NT5DC1: variants seen among roughly 807,000 people sequenced by gnomAD.
The protein encoded by NT5DC1 is 5'-nucleotidase domain-containing protein 1.
A neutral mutation model predicts 59.4 loss-of-function variants in NT5DC1; 42 were observed. The ratio of observed to expected loss-of-function variants is 0.71; its 90% CI spans 0.55 to 0.92. NT5DC1 has a LOEUF of 0.92. Ranked by LOEUF, NT5DC1 falls within the 40% of genes least tolerant of loss-of-function variation. The pLI, the probability that NT5DC1 is intolerant of heterozygous loss-of-function variation, is 0.00. For synonymous variants in NT5DC1, 172 were observed against 188.1 expected, an observed-to-expected ratio of 0.91 and a Z score of 0.70; for missense variants, 501 against 537.1, an observed-to-expected ratio of 0.93 and a Z score of 0.66.
intron 6 of NT5DC1, among the ~76,000 whole-genome samples, chr6:116,200,929 C>T (rs1313974614): frequency 1.3e-5 from 2 of 151,986 alleles, no homozygotes; most frequent in Non-Finnish European, 1.5e-5. Flanking sequence ...TACAACTTAC[C>T]AGTGCTTTTT....
chr6:116,109,680 A>T (rs2114902013), intron 3 of NT5DC1, among the ~76,000 whole-genome samples: 1 of 152,274 alleles, frequency 6.6e-6, no homozygotes, highest in African/African-American at 2.4e-5. Flanking sequence ...CCCATTCAGG[A>T]TTCTTTGATC....
In NT5DC1 at chr6:116,110,837, C is replaced by T. The variant is rs779375353; in HGVS notation, c.258-13C>T. ...ACCATTAATGAGCAATGTGCCTCCTCTCTCAAAATCAGGGCAAGCCATGGC... is the reference window on the plus strand; with the variant it reads ...ACCATTAATGAGCAATGTGCCTCCTTTCTCAAAATCAGGGCAAGCCATGGC... On this transcript the variant is annotated splice_polypyrimidine_tract_variant and intron_variant, in intron 3 of 11. Coordinates refer to ENST00000319550, the MANE Select transcript of NT5DC1 (RefSeq NM_152729.3). 1.3e-6 allele frequency: 2 copies of T among 1,591,792 alleles called. No homozygotes were observed. The highest frequency in any genetic ancestry group is 1.7e-5 in the Admixed American group (1 of 60,006).
Position 116,125,570 on chromosome 6 carries a change from GT to G in NT5DC1, c.529+7628del. 3.4e-6 allele frequency: 5 copies of G among 1,458,994 alleles called. No homozygotes were observed. The South Asian group carries it at 5.8e-5, about 17-fold the overall frequency. 90.4% of individuals were successfully genotyped at this position (1,458,994 alleles called of 1,614,324 possible). On this transcript the variant is annotated intron_variant, in intron 6 of 11. Transcript: ENST00000319550. Reference sequence around the variant, plus strand: ...TATTAACCTATTTTTTTATTCTCATGTTTCACAGATGAGTTCTTTATACAGT... The same window carrying G: ...TATTAACCTATTTTTTTATTCTCATGTTCACAGATGAGTTCTTTATACAGT...
rs914050986 is a variant in NT5DC1, at chr6:116,166,704, C to T, written c.529+48759C>T. 2.0e-5 allele frequency among the ~76,000 whole-genome samples: 3 copies of T among 152,158 alleles called. No individual in the cohort carries two copies. In the East Asian group the frequency reaches 5.8e-4, roughly 29 times the overall value. ...TTCAAAAGTTAATTCAGTTATTTATCTAAATCCATGAGAAATTTCTACTAA... is the reference window on the plus strand; with the variant it reads ...TTCAAAAGTTAATTCAGTTATTTATTTAAATCCATGAGAAATTTCTACTAA... On this transcript the variant is annotated intron_variant, in intron 6 of 11. Transcript: ENST00000319550.
At chr6:116,125,251 G>T in intron 6 of NT5DC1, 1 of 1,469,192 alleles carries the variant, frequency 6.8e-7, no homozygotes, top group Non-Finnish European at 9.3e-7. Context: ...TAACACCAAA[G>T]TTAAATGCAT....
chr6:116,142,174 T>C (rs1779784508), intron 6 of NT5DC1, among the ~76,000 whole-genome samples: 1 of 152,126 alleles, frequency 6.6e-6, no homozygotes, highest in African/African-American at 2.4e-5. Context: ...CTAATATTAG[T>C]ATAGTTCACA....
chr6:116,148,392 T>C (rs1218305393), intron 6 of NT5DC1, among the ~76,000 whole-genome samples: 1 of 152,216 alleles, frequency 6.6e-6, no homozygotes, highest in East Asian at 1.9e-4. Context: ...TTACCATACA[T>C]GCCATCCAAA....
chr6:116,215,960 A>T (rs987923694), intron 6 of NT5DC1, among the ~76,000 whole-genome samples: 1 of 152,186 alleles, frequency 6.6e-6, no homozygotes, highest in Non-Finnish European at 1.5e-5. Flanking sequence ...GTCTATACTC[A>T]TTTAAACTGT....
Position 116,215,127 on chromosome 6 carries a change from C to T in NT5DC1, c.530-5927C>T, listed in dbSNP as rs141190376. Among the ~76,000 whole-genome samples the T allele has an allele frequency of 7.9e-5, 12 of 152,178 alleles. No individual in the cohort carries two copies. The East Asian group carries it at 2.1e-3, about 27-fold the overall frequency. On this transcript the variant is annotated intron_variant, in intron 6 of 11. Transcript: ENST00000319550. ...TGCTTTCCTGGTTCTGAACATTGTA[C>T]TGATATTAATGTAGCTCTACAATCT...
intron 6 of NT5DC1, among the ~76,000 whole-genome samples, chr6:116,136,497 A>T (rs1348303030): frequency 6.6e-6 from 1 of 152,008 alleles, no homozygotes. Flanking sequence ...AATGAAGCTT[A>T]TTAAGTGGAA....
At chr6:116,222,769 G>C (rs899940141) in intron 7 of NT5DC1, among the ~76,000 whole-genome samples, 2 of 152,234 alleles carry the variant, frequency 1.3e-5, no homozygotes, top group African/African-American at 2.4e-5. Context: ...AGCCAGCTTG[G>C]TACCTAGAGT....
intron 6 of NT5DC1, among the ~76,000 whole-genome samples, chr6:116,152,490 C>A (rs982423238): frequency 1.3e-5 from 2 of 152,096 alleles, no homozygotes; most frequent in African/African-American, 4.8e-5. Context: ...TCTACCCCAC[C>A]GTGCCAGAGA....
intron 8 of NT5DC1, among the ~76,000 whole-genome samples, chr6:116,231,830 A>T (rs1782025784): frequency 6.6e-6 from 1 of 152,260 alleles, no homozygotes; most frequent in South Asian, 2.1e-4. Flanking sequence ...ACACTGTGCT[A>T]GCTATAAAAT....
chr6:116,198,674 A>G (rs765882737), intron 6 of NT5DC1, among the ~76,000 whole-genome samples: 5 of 151,980 alleles, frequency 3.3e-5, no homozygotes, highest in Middle Eastern at 3.2e-3. Context: ...GTTACCTATG[A>G]GCTACGATCA....
At chr6:116,159,072 A>G (rs1167656512) in intron 6 of NT5DC1, among the ~76,000 whole-genome samples, 2 of 152,212 alleles carry the variant, frequency 1.3e-5, no homozygotes, top group Admixed American at 6.5e-5. Context: ...TATTAGGGAA[A>G]TTACTTCCTG....
intron 6 of NT5DC1, among the ~76,000 whole-genome samples, chr6:116,141,277 G>C (rs535898378): frequency 6.7e-6 from 1 of 149,312 alleles, no homozygotes; most frequent in African/African-American, 2.5e-5. Flanking sequence ...TTTTTTTTTG[G>C]TGGTGGTGGT....
At chr6:116,110,588 G>A (rs1778854753) in intron 3 of NT5DC1, among the ~76,000 whole-genome samples, 1 of 152,172 alleles carries the variant, frequency 6.6e-6, no homozygotes, top group Admixed American at 6.5e-5. Flanking sequence ...CTCTAAAAAA[G>A]GGTGGTATCT....
At position 116,245,160 on chromosome 6, in the gene NT5DC1, T is replaced by C. The variant is rs1477941831; in HGVS notation, c.*1136T>C. 1.2e-4 allele frequency: 18 copies of C among 152,224 alleles called. No individual in the cohort carries two copies. The highest frequency in any genetic ancestry group is 1.2e-3 in the Admixed American group (18 of 15,276). The allele number at this position is 152,224 out of a possible 1,614,324, so 9.4% of individuals were successfully genotyped here. Reference sequence around the variant, plus strand: ...TACAATCCAGGACTGTGGTGTTCTATGTGCCGTGTATGGTCATATTAGTAG... The same window carrying C: ...TACAATCCAGGACTGTGGTGTTCTACGTGCCGTGTATGGTCATATTAGTAG... On this transcript the variant is annotated 3_prime_UTR_variant, in exon 12 of 12. Coordinates refer to ENST00000319550, the MANE Select transcript of NT5DC1 (RefSeq NM_152729.3).
At chr6:116,232,469 A>G (rs1470234590) in intron 8 of NT5DC1, among the ~76,000 whole-genome samples, 1 of 151,958 alleles carries the variant, frequency 6.6e-6, no homozygotes, top group Admixed American at 6.6e-5. Flanking sequence ...GTGAGTGCAT[A>G]CCAGATAGAG....
Sources: allele counts gnomAD v4.1 joint callset (sites outside exome capture counted in the v4.1 genomes callset), GRCh38; gene constraint gnomAD v4.1.1; transcripts MANE v1.5; gene names NCBI Gene and HGNC (gene_info 2026-07-23, HGNC 2026-07-21).